SRGAP1: variants seen among roughly 807,000 people sequenced by gnomAD.
SRGAP1 encodes SLIT-ROBO Rho GTPase activating protein 1.
In SRGAP1, 43 loss-of-function variants were observed where a neutral mutation model predicts 121.9. The observed-to-expected ratio is 0.35, with a 90% CI of 0.28 to 0.46. The LOEUF is 0.46. Among genes scored for constraint, SRGAP1 ranks in the 20% least tolerant of loss-of-function variants. SRGAP1 has a pLI of 1.00. For synonymous variants in SRGAP1, 447 were observed against 485.4 expected, an observed-to-expected ratio of 0.92 and a Z score of 1.04; for missense variants, 1,102 against 1,350.9, an observed-to-expected ratio of 0.82 and a Z score of 2.89.
At chr12:64,092,153 A>T (rs184960682) in intron 12 of SRGAP1, among the ~76,000 whole-genome samples, 24 of 152,334 alleles carry the variant, frequency 1.6e-4, no homozygotes, top group Admixed American at 9.1e-4. Context: ...GTGTTTGGCA[A>T]ATGTATCAAG....
chr12:64,050,263 GT>G (rs1346234088), intron 6 of SRGAP1, among the ~76,000 whole-genome samples: 1 of 152,096 alleles, frequency 6.6e-6, no homozygotes, highest in Admixed American at 6.5e-5. Context: ...TGTTCTAATA[GT>G]TTTTTAGTGG....
intron 1 of SRGAP1, among the ~76,000 whole-genome samples, chr12:63,856,851 G>C (rs966331266): frequency 6.6e-6 from 1 of 152,126 alleles, no homozygotes; most frequent in Non-Finnish European, 1.5e-5. Flanking sequence ...GATTGGAATT[G>C]CGTGAAATTA....
chr12:64,132,025 A>G (rs1489824419), intron 21 of SRGAP1, among the ~76,000 whole-genome samples: 2 of 152,188 alleles, frequency 1.3e-5, no homozygotes, highest in Admixed American at 6.5e-5. Flanking sequence ...AAATGCAAAA[A>G]TTAGCCAAGT....
At chr12:63,846,894 G>A (rs1253436396) in intron 1 of SRGAP1, among the ~76,000 whole-genome samples, 1 of 152,252 alleles carries the variant, frequency 6.6e-6, no homozygotes, top group Non-Finnish European at 1.5e-5. Context: ...ATCAAGAAGA[G>A]AGTGGGAGAC....
chr12:64,081,758 C>A (rs2035846569), intron 10 of SRGAP1: 1 of 150,406 alleles, frequency 6.6e-6, no homozygotes, highest in Admixed American at 6.6e-5. Context: ...ATGATGTCTG[C>A]AACTTACCTT....
At chr12:64,014,143 A>G (rs2034335727) in intron 3 of SRGAP1, among the ~76,000 whole-genome samples, 3 of 152,220 alleles carry the variant, frequency 2.0e-5, no homozygotes, top group South Asian at 4.1e-4. Flanking sequence ...TACAATGCCT[A>G]TATTCATTTT....
In SRGAP1 at chr12:64,153,779, C is replaced by T. The variant is rs2037142191; in HGVS notation, c.*11107C>T. 1 of 152,160 alleles carries T rather than the reference C, an allele frequency of 6.6e-6. No individual in the cohort carries two copies. Among genetic ancestry groups the T allele is most frequent in the Non-Finnish European group, 1.5e-5 (1 of 68,028 alleles). 9.4% of individuals were successfully genotyped at this position (152,160 alleles called of 1,614,324 possible). ...CTCAAAAAATTAAAAATAAAACCCT[C>T]ATATGATCCACCAAGCCCACTTCTG... On this transcript the variant is annotated 3_prime_UTR_variant, in exon 22 of 22. Transcript: ENST00000355086.
At chr12:63,889,983 T>A (rs1420122894) in intron 1 of SRGAP1, among the ~76,000 whole-genome samples, 1 of 152,312 alleles carries the variant, frequency 6.6e-6, no homozygotes, top group East Asian at 1.9e-4. Context: ...ATTCATTTGC[T>A]TTATCTGTTT....
In SRGAP1 at chr12:64,061,053, C is replaced by T. The variant is rs568045622; in HGVS notation, c.802-1864C>T. Among the ~76,000 whole-genome samples, 8 of 152,022 alleles carry T rather than the reference C, an allele frequency of 5.3e-5. No homozygotes were observed. The South Asian group carries it at 1.7e-3, about 32-fold the overall frequency. ...TTTCCTCTTTAAGTGATTTATACTG[C>T]TTTTATGTACAAATTGAAAATGAAC... On this transcript the variant is annotated intron_variant, in intron 6 of 21. Transcript: ENST00000355086.
chr12:64,130,482 G>A (rs540019965), intron 21 of SRGAP1, among the ~76,000 whole-genome samples: 10 of 152,240 alleles, frequency 6.6e-5, no homozygotes, highest in South Asian at 2.1e-4. Flanking sequence ...TCCTGGACCC[G>A]TGAATCCTGG....
chr12:63,984,062 G>A lies in SRGAP1; in HGVS notation c.183G>A (p.Thr61=), dbSNP rs368839972. The A allele has an allele frequency of 1.7e-4, 258 of 1,553,282 alleles. No individual in the cohort carries two copies. The highest frequency in any genetic ancestry group is 2.1e-4 in the Non-Finnish European group (244 of 1,142,992). The change falls in exon 2 of 22, where the codon ACG becomes ACA. Residue 61 remains threonine, a synonymous_variant. Coordinates refer to ENST00000355086, the MANE Select transcript of SRGAP1 (RefSeq NM_020762.4). ...DFFRKKAEIE[T]EYSRNLEKLA... ...TCCGAAAAAAAGCTGAAATTGAGACGGAATATTCCCGGAATCTAGAGAAGT... is the reference window on the plus strand; with the variant it reads ...TCCGAAAAAAAGCTGAAATTGAGACAGAATATTCCCGGAATCTAGAGAAGT...
At chr12:63,903,013 G>A (rs751400424) in intron 1 of SRGAP1, among the ~76,000 whole-genome samples, 11 of 152,182 alleles carry the variant, frequency 7.2e-5, no homozygotes, top group South Asian at 4.2e-4. Context: ...TTTTTACAAA[G>A]TTGGTTTTTA....
At chr12:63,901,932 T>G (rs2029951508) in intron 1 of SRGAP1, among the ~76,000 whole-genome samples, 1 of 152,266 alleles carries the variant, frequency 6.6e-6, no homozygotes, top group Non-Finnish European at 1.5e-5. Context: ...CATGAAAATT[T>G]AAACCAGGGA....
chr12:63,876,318 C>A (rs1252602391), intron 1 of SRGAP1, among the ~76,000 whole-genome samples: 1 of 152,052 alleles, frequency 6.6e-6, no homozygotes, highest in Non-Finnish European at 1.5e-5. Context: ...ATTGAAATAT[C>A]ATAGGATAGA....
chr12:63,978,628 C>T (rs746639615), intron 1 of SRGAP1, among the ~76,000 whole-genome samples: 73 of 152,194 alleles, frequency 4.8e-4, no homozygotes, highest in Non-Finnish European at 9.3e-4. Context: ...CTGTTTTCAC[C>T]TTTCAGCTAT....
At chr12:64,017,158 C>T in intron 4 of SRGAP1, 146 bp downstream of exon 4, 1 of 526,734 alleles carries the variant, frequency 1.9e-6, no homozygotes. Context: ...GATAGGTATA[C>T]ACAGCTACAT....
intron 1 of SRGAP1, among the ~76,000 whole-genome samples, chr12:63,913,289 G>A (rs2030607480): frequency 7.1e-6 from 1 of 141,194 alleles, no homozygotes; most frequent in African/African-American, 2.6e-5. Flanking sequence ...CTCCTGGGTA[G>A]CTGGGACTAT....
intron 4 of SRGAP1, among the ~76,000 whole-genome samples, chr12:64,027,521 G>A (rs1461695845): frequency 6.6e-6 from 1 of 152,106 alleles, no homozygotes; most frequent in Non-Finnish European, 1.5e-5. Flanking sequence ...AGGAAAAGGA[G>A]CAGTGAGAGC....
intron 1 of SRGAP1, among the ~76,000 whole-genome samples, chr12:63,907,981 G>A (rs910277788): frequency 2.0e-5 from 3 of 151,988 alleles, no homozygotes; most frequent in African/African-American, 7.3e-5. Context: ...TTGAATTATC[G>A]TGCTATCCCT....
Sources: gnomAD v4.1 joint callset for allele counts (sites outside exome capture counted in the v4.1 genomes callset) on GRCh38, gnomAD v4.1.1 for gene constraint, MANE v1.5 for transcripts, NCBI Gene and HGNC (gene_info 2026-07-23, HGNC 2026-07-21) for gene names.